Variants in ABAT observed in about 807,000 individuals in gnomAD.
ABAT encodes 4-aminobutyrate aminotransferase, mitochondrial.
A neutral mutation model predicts 64.6 loss-of-function variants in ABAT; 45 were observed. That is an observed-to-expected ratio of 0.70 (90% CI 0.55 to 0.89). The LOEUF (loss-of-function observed/expected upper bound fraction) is 0.89. Ranked by LOEUF, ABAT falls within the 40% of genes least tolerant of loss-of-function variation. The probability of loss-of-function intolerance (pLI) is 0.00; values close to 1 mark genes in which losing one functional copy is unlikely to be tolerated. For synonymous variants in ABAT, 297 were observed against 250.5 expected (o/e 1.19, Z -1.75); for missense variants, 633 against 658.4 (o/e 0.96, Z 0.42).
At chr16:8,728,318 A>G (rs2058617883) in intron 1 of ABAT, among the ~76,000 whole-genome samples, 1 of 152,236 alleles carries the variant, frequency 6.6e-6, no homozygotes, top group Admixed American at 6.5e-5. Context: ...CCAATGTGAC[A>G]TTTTGTAATT....
At chr16:8,709,718 A>T (rs2058027248) in intron 1 of ABAT, among the ~76,000 whole-genome samples, 1 of 152,184 alleles carries the variant, frequency 6.6e-6, no homozygotes, top group Admixed American at 6.5e-5. Flanking sequence ...TGATATAGAA[A>T]GTAGGAATGG....
intron 1 of ABAT, among the ~76,000 whole-genome samples, chr16:8,707,883 A>G (rs74008007): frequency 0.029 from 4,398 of 152,220 alleles, 201 homozygotes; most frequent in African/African-American, 0.1. Flanking sequence ...AGTTAGGGAT[A>G]TTGGCAACCC....
At chr16:8,733,066 G>A (rs1277968942) in intron 1 of ABAT, among the ~76,000 whole-genome samples, 3 of 146,878 alleles carry the variant, frequency 2.0e-5, no homozygotes, top group Non-Finnish European at 4.4e-5. Context: ...CGGCTGGCCG[G>A]GCGGGGGGCT....
chr16:8,772,688 T>C (rs895064047), intron 11 of ABAT, 92 bp from the exon 12 acceptor site: 16 of 1,540,820 alleles, frequency 1.0e-5, no homozygotes, highest in African/African-American at 2.7e-5. Context: ...TCCAATAAAA[T>C]TGCATGGGGC....
intron 1 of ABAT, among the ~76,000 whole-genome samples, chr16:8,700,546 G>C (rs1000020789): frequency 6.6e-6 from 1 of 152,152 alleles, no homozygotes; most frequent in African/African-American, 2.4e-5. Flanking sequence ...TCATACCGTA[G>C]ATACTCCTTG....
chr16:8,753,956 T>C (rs985790263), intron 5 of ABAT, among the ~76,000 whole-genome samples: 2 of 151,826 alleles, frequency 1.3e-5, no homozygotes, highest in Admixed American at 1.3e-4. Context: ...TGTGGAGGAG[T>C]GCGCGGCCCA....
chr16:8,777,492 G>C (rs191033198), intron 14 of ABAT, among the ~76,000 whole-genome samples: 6 of 152,298 alleles, frequency 3.9e-5, no homozygotes, highest in Admixed American at 3.3e-4. Flanking sequence ...GTCTTTAGCA[G>C]CCTTCCCAGA....
chr16:8,716,703 G>C (rs765229000), intron 1 of ABAT, among the ~76,000 whole-genome samples: 2 of 152,162 alleles, frequency 1.3e-5, no homozygotes, highest in African/African-American at 4.8e-5. Context: ...ATTGGATCCC[G>C]TTGAGAGCCT....
chr16:8,725,399 C>G (rs67350881), intron 1 of ABAT, among the ~76,000 whole-genome samples: 1 of 152,082 alleles, frequency 6.6e-6, no homozygotes, highest in African/African-American at 2.4e-5. Context: ...CCTGCCAACC[C>G]CTGATTTATT....
At chr16:8,718,517 C>G (rs1433746894) in intron 1 of ABAT, among the ~76,000 whole-genome samples, 1 of 152,114 alleles carries the variant, frequency 6.6e-6, no homozygotes, top group African/African-American at 2.4e-5. Flanking sequence ...GGCTGAAACT[C>G]CATGATTGAA....
intron 1 of ABAT, among the ~76,000 whole-genome samples, chr16:8,680,138 A>G (rs540619974): frequency 6.6e-6 from 1 of 151,960 alleles, no homozygotes; most frequent in South Asian, 2.1e-4. Flanking sequence ...AACTCCTGTC[A>G]TCCACATCCT....
intron 1 of ABAT, among the ~76,000 whole-genome samples, chr16:8,680,094 A>C (rs1354570540): frequency 6.6e-6 from 1 of 150,926 alleles, no homozygotes; most frequent in Non-Finnish European, 1.5e-5. Flanking sequence ...ACCCTCCCCC[A>C]CCTCCAGCCA....
At chr16:8,710,841 C>G (rs1460203553) in intron 1 of ABAT, among the ~76,000 whole-genome samples, 3 of 152,138 alleles carry the variant, frequency 2.0e-5, no homozygotes, top group Non-Finnish European at 4.4e-5. Context: ...AAGTTTGTTT[C>G]TGTGTTTACT....
chr16:8,686,674 C>A (rs1213401112), intron 1 of ABAT, among the ~76,000 whole-genome samples: 2 of 152,140 alleles, frequency 1.3e-5, no homozygotes, highest in South Asian at 2.1e-4. Context: ...TAGTGAGAAA[C>A]CGAGGCTTGA....
intron 5 of ABAT, 107 bp from the exon 6 acceptor site, chr16:8,757,650 A>G (rs2059685703): frequency 1.6e-6 from 2 of 1,285,806 alleles, no homozygotes; most frequent in Admixed American, 3.6e-5. Context: ...TTGGTTTTTA[A>G]AGAGAGTTGG....
At chr16:8,734,066 T>A (rs568973068) in intron 1 of ABAT, among the ~76,000 whole-genome samples, 1 of 152,292 alleles carries the variant, frequency 6.6e-6, no homozygotes, top group East Asian at 1.9e-4. Flanking sequence ...TTCCACCTCT[T>A]GGCTATTGTG....
At chr16:8,735,864 C>T in intron 2 of ABAT, 55 bp downstream of exon 2, 1 of 1,478,576 alleles carries the variant, frequency 6.8e-7, no homozygotes, top group Non-Finnish European at 9.2e-7. Context: ...ACCATCCAGA[C>T]TAGGGATTCC....
intron 1 of ABAT, among the ~76,000 whole-genome samples, chr16:8,690,152 C>A (rs2057547018): frequency 6.6e-6 from 1 of 152,172 alleles, no homozygotes; most frequent in African/African-American, 2.4e-5. Flanking sequence ...GCAGTGGAAG[C>A]AACAGTTTTA....
At chr16:8,690,689 T>C (rs1292948296) in intron 1 of ABAT, among the ~76,000 whole-genome samples, 1 of 152,116 alleles carries the variant, frequency 6.6e-6, no homozygotes, top group African/African-American at 2.4e-5. Context: ...CAACATGGGG[T>C]TTTGGTTCTT....
Sources: allele counts gnomAD v4.1 joint callset (sites outside exome capture counted in the v4.1 genomes callset), GRCh38; gene constraint gnomAD v4.1.1; transcripts MANE v1.5; gene names NCBI Gene and HGNC (gene_info 2026-07-23, HGNC 2026-07-21).